Variants in LAMC3 observed in about 807,000 individuals in gnomAD.
LAMC3 encodes laminin subunit gamma-3.
In LAMC3, 128 loss-of-function variants were observed where a neutral mutation model predicts 173.8. The observed-to-expected ratio is 0.74, with a 90% CI of 0.64 to 0.85. LAMC3 has a LOEUF of 0.85. Ranked by LOEUF, LAMC3 falls within the 40% of genes least tolerant of loss-of-function variation. The probability of loss-of-function intolerance (pLI) is 0.00; values close to 1 mark genes in which losing one functional copy is unlikely to be tolerated. For missense variants in LAMC3, 2,022 were observed against 2,156.0 expected (o/e 0.94, Z 1.23); for synonymous variants, 897 against 909.1 (o/e 0.99, Z 0.24).
At position 131,039,265 on chromosome 9, in the gene LAMC3, G is replaced by C. The variant is rs1156320095; in HGVS notation, c.1283+17G>C. ...AGGCTGCAGGTGAGGGCGAGGGGCG[G>C]CCCAGTATGGACACATTGCACTGAA... On this transcript the variant is annotated intron_variant, in intron 6 of 27. Coordinates refer to ENST00000361069, the MANE Select transcript of LAMC3 (RefSeq NM_006059.4). 1 of 1,583,752 alleles carries C rather than the reference G, an allele frequency of 6.3e-7. No individual in the cohort carries two copies. Among genetic ancestry groups the C allele is most frequent in the Non-Finnish European group, 8.6e-7 (1 of 1,164,226 alleles).
intron 13 of LAMC3, among the ~76,000 whole-genome samples, chr9:131,066,384 G>C (rs989902490): frequency 4.0e-5 from 6 of 151,814 alleles, no homozygotes; most frequent in African/African-American, 1.5e-4. Flanking sequence ...CCATCTACTA[G>C]GGAGGCTGAG....
chr9:131,011,014 C>T (rs1833406728), intron 1 of LAMC3, among the ~76,000 whole-genome samples: 2 of 152,202 alleles, frequency 1.3e-5, no homozygotes, highest in South Asian at 4.1e-4. Flanking sequence ...GTCAGCCTCC[C>T]AAAGCTTTGA....
At chr9:131,061,458 A>G (rs1303796767) in intron 13 of LAMC3, among the ~76,000 whole-genome samples, 2 of 152,192 alleles carry the variant, frequency 1.3e-5, no homozygotes, top group African/African-American at 2.4e-5. Context: ...AATTTGGGCT[A>G]TTTGAAAATA....
At chr9:131,080,690 C>T (rs1353857900) in intron 23 of LAMC3, among the ~76,000 whole-genome samples, 1 of 152,080 alleles carries the variant, frequency 6.6e-6, no homozygotes, top group Non-Finnish European at 1.5e-5. Flanking sequence ...TGGCTTTGCC[C>T]CCGGGGTAGC....
At position 131,091,972 on chromosome 9, in the gene LAMC3, AGT is replaced by A. The variant is rs945456922; in HGVS notation, c.*189_*190del. 1.4e-6 allele frequency: 1 copy of A among 707,796 alleles called. No individual in the cohort carries two copies. Among genetic ancestry groups the A allele is most frequent in the African/African-American group, 1.8e-5 (1 of 56,612 alleles). 43.8% of individuals were successfully genotyped at this position (707,796 alleles called of 1,614,324 possible). On this transcript the variant is annotated 3_prime_UTR_variant, in exon 28 of 28. Transcript: ENST00000361069. ...GGCTTCTTCCCTGCCAGCAGGACTG[AGT>A]GTGCGTACCCAGTTCACCTGGACAT...
At chr9:131,010,619 A>C (rs1373864260) in intron 1 of LAMC3, among the ~76,000 whole-genome samples, 2 of 152,246 alleles carry the variant, frequency 1.3e-5, no homozygotes, top group South Asian at 4.1e-4. Flanking sequence ...AGCTGCCTGC[A>C]GTCCTCGGGT....
rs1156264352 is a variant in LAMC3 at position 131,036,324 on chromosome 9, A to T, written c.968A>T (p.Glu323Val). ...WARGTAEAAHECLPCNCSGRS... is the reference protein window; with the variant it reads ...WARGTAEAAHVCLPCNCSGRS... ...CGGGGCACCGCCGAGGCTGCCCACG[A>T]GTGTCTGCGTGAGTGTCTGAGTGTC... is the stretch of plus-strand genomic sequence containing the variant. Residue 323 changes from glutamate (E) to valine (V), a missense_variant, in exon 4 of 28, where the codon GAG (glutamate) becomes GTG (valine). Glu to Val is a moderately radical substitution (Grantham distance 121). Coordinates refer to ENST00000361069, the MANE Select transcript of LAMC3 (RefSeq NM_006059.4). 1 of 1,612,552 alleles carries T rather than the reference A, an allele frequency of 6.2e-7. No homozygotes were observed. The highest frequency in any genetic ancestry group is 1.1e-5 in the South Asian group (1 of 91,038).
At chr9:131,033,319 G>A (rs971958693) in intron 3 of LAMC3, among the ~76,000 whole-genome samples, 1 of 152,210 alleles carries the variant, frequency 6.6e-6, no homozygotes, top group Non-Finnish European at 1.5e-5. Flanking sequence ...AGTCACCTGG[G>A]GATGGCAGAC....
At chr9:131,089,053 C>G (rs548064367) in intron 27 of LAMC3, among the ~76,000 whole-genome samples, 1 of 151,966 alleles carries the variant, frequency 6.6e-6, no homozygotes, top group African/African-American at 2.4e-5. Context: ...CCACTGCACT[C>G]CAGCCTGGGT....
rs3837236 is a variant in LAMC3, at chr9:131,012,048, A to AACACACACACACACACACAC, written c.373+2474_373+2475insCACACACACACACACACACA. On this transcript the variant is annotated intron_variant, in intron 1 of 27. Coordinates refer to ENST00000361069, the MANE Select transcript of LAMC3 (RefSeq NM_006059.4). ...CTCCACACTGTGAATGTAGAGAGCG[A>AACACACACACACACACACAC]ACACACACACACATACACACACACA... Among the ~76,000 whole-genome samples, 45 of 138,240 alleles carry AACACACACACACACACACAC rather than the reference A, an allele frequency of 3.3e-4. 1 individual carries two copies. Among genetic ancestry groups the AACACACACACACACACACAC allele is most frequent in the African/African-American group, 1.1e-3 (44 of 38,542 alleles). The allele number at this position is 138,240 out of a possible 152,430, so 90.7% of individuals were successfully genotyped here. A position where few individuals can be genotyped will look rare whatever the true frequency, so the allele number is the denominator to read the frequency against.
intron 15 of LAMC3, 27 bp from the exon 16 acceptor site, chr9:131,068,881 C>G: frequency 1.9e-6 from 3 of 1,613,566 alleles, no homozygotes; most frequent in African/African-American, 1.3e-5. Flanking sequence ...GAGCTTGCCT[C>G]AGACCCAGTT....
chr9:131,068,275 A>G, intron 15 of LAMC3, 44 bp downstream of exon 15: 1 of 1,581,628 alleles, frequency 6.3e-7, no homozygotes, highest in Non-Finnish European at 8.6e-7. Context: ...CCTCTCCAGG[A>G]GGGAAGAAGG....
chr9:131,027,997 T>G (rs1465500408), intron 2 of LAMC3, among the ~76,000 whole-genome samples: 1 of 151,964 alleles, frequency 6.6e-6, no homozygotes, highest in Admixed American at 6.5e-5. Flanking sequence ...AGTCCACAGG[T>G]CCCCAACCCC....
intron 3 of LAMC3, among the ~76,000 whole-genome samples, chr9:131,035,731 G>A (rs755864516): frequency 3.3e-5 from 5 of 152,158 alleles, no homozygotes; most frequent in Non-Finnish European, 1.5e-5. Context: ...ATAGCTGCTG[G>A]AGGCGGTTCC....
intron 1 of LAMC3, among the ~76,000 whole-genome samples, chr9:131,015,348 C>T (rs1431803457): frequency 6.6e-6 from 1 of 152,154 alleles, no homozygotes; most frequent in Non-Finnish European, 1.5e-5. Flanking sequence ...CCAACCCTGC[C>T]CTGCCCTGCT....
At chr9:131,046,180 CTTTTTTTTTTTT>C (rs61108655) in intron 8 of LAMC3, among the ~76,000 whole-genome samples, 20 of 76,542 alleles carry the variant, frequency 2.6e-4, no homozygotes, top group South Asian at 8.8e-4. Context: ...AGTTTTGCTC[CTTTTTTTTTTTT>C]TTTTTTTTTT....
chr9:131,059,300 G>A (rs1409621894), intron 12 of LAMC3, among the ~76,000 whole-genome samples: 3 of 151,832 alleles, frequency 2.0e-5, no homozygotes, highest in African/African-American at 7.3e-5. Flanking sequence ...AGACCATCCT[G>A]GCTAACACGG....
At chr9:131,065,243 A>G (rs1829910449) in intron 13 of LAMC3, among the ~76,000 whole-genome samples, 2 of 152,010 alleles carry the variant, frequency 1.3e-5, no homozygotes, top group Non-Finnish European at 2.9e-5. Context: ...TGCTCCGTCT[A>G]TGTCCAGAGT....
At chr9:131,045,809 T>C in intron 8 of LAMC3, 149 bp downstream of exon 8, 1 of 979,570 alleles carries the variant, frequency 1.0e-6, no homozygotes, top group Non-Finnish European at 1.6e-6. Context: ...GGGGGTGAGA[T>C]GATGGCTCCC....
Sources: gnomAD v4.1 joint callset for allele counts (sites outside exome capture counted in the v4.1 genomes callset) on GRCh38, gnomAD v4.1.1 for gene constraint, MANE v1.5 for transcripts, NCBI Gene and HGNC (gene_info 2026-07-23, HGNC 2026-07-21) for gene names.